LARP1: variants seen among roughly 807,000 people sequenced by gnomAD.
LARP1 encodes the protein La ribonucleoprotein 1, translational regulator.
A neutral mutation model predicts 122.7 loss-of-function variants in LARP1; 36 were observed. That is an observed-to-expected ratio of 0.29 (90% CI 0.22 to 0.39). The LOEUF is 0.39. Ranked by LOEUF, LARP1 falls within the 10% of genes least tolerant of loss-of-function variation. The pLI is 1.00. For missense variants in LARP1, 1,040 were observed against 1,403.6 expected (o/e 0.74, Z 4.14); for synonymous variants, 539 against 528.7 (o/e 1.02, Z -0.27).
intron 1 of LARP1, among the ~76,000 whole-genome samples, chr5:154,758,922 T>A (rs1754226810): frequency 6.6e-6 from 1 of 152,218 alleles, no homozygotes; most frequent in Non-Finnish European, 1.5e-5. Flanking sequence ...GGATTTGCAT[T>A]TTGGTTTTTT....
chr5:154,758,458 CTA>C lies in LARP1; in HGVS notation c.436+2266_436+2267del, dbSNP rs1347095004. Among the ~76,000 whole-genome samples the C allele has an allele frequency of 2.0e-5, 3 of 152,314 alleles. No individual in the cohort carries two copies. The East Asian group carries it at 5.8e-4, about 29-fold the overall frequency. On this transcript the variant is annotated intron_variant, in intron 1 of 18. Transcript: ENST00000518297. ...CAAGTTAATCCAGTAGCTTCTCTCT[CTA>C]AGCCTGTTGTTAGGGTTTGTGTGCA...
At chr5:154,701,939 G>T (rs533313448) in intron 1 of LARP1, among the ~76,000 whole-genome samples, 90 of 152,174 alleles carry the variant, frequency 5.9e-4, no homozygotes, top group African/African-American at 2.1e-3. Context: ...TCTTTTATCT[G>T]TAGTAGCTGA....
At chr5:154,777,281 C>T (rs1400446243) in intron 1 of LARP1, among the ~76,000 whole-genome samples, 1 of 151,412 alleles carries the variant, frequency 6.6e-6, no homozygotes, top group African/African-American at 2.4e-5. Context: ...GAGGTTGAGG[C>T]GGGTAGATCG....
chr5:154,800,057 G>T lies in LARP1; in HGVS notation c.1716+15G>T, dbSNP rs1215513836. 6.2e-7 allele frequency: 1 copy of T among 1,611,438 alleles called. No individual in the cohort carries two copies. Among genetic ancestry groups the T allele is most frequent in the Non-Finnish European group, 8.5e-7 (1 of 1,179,040 alleles). On this transcript the variant is annotated intron_variant, in intron 10 of 18. Transcript: ENST00000518297. ...CACGGCCCAAGGTGGGTGAGGCCTT[G>T]TCCCTTGCCTTGGTTCTAGCACTCT... is the stretch of plus-strand genomic sequence containing the variant.
At chr5:154,684,468 C>A (rs918364) in intron 1 of LARP1, among the ~76,000 whole-genome samples, 1 of 152,088 alleles carries the variant, frequency 6.6e-6, no homozygotes, top group East Asian at 1.9e-4. Flanking sequence ...GATTCTGATT[C>A]AGTAGGGCTG....
intron 1 of LARP1, among the ~76,000 whole-genome samples, chr5:154,748,090 T>G (rs1753299705): frequency 6.6e-6 from 1 of 152,184 alleles, no homozygotes; most frequent in South Asian, 2.1e-4. Flanking sequence ...CCTCAAGGGA[T>G]TCTCCTTCCT....
intron 1 of LARP1, among the ~76,000 whole-genome samples, chr5:154,784,172 G>A (rs1258576033): frequency 1.3e-5 from 2 of 152,196 alleles, no homozygotes; most frequent in African/African-American, 4.8e-5. Context: ...GTGTGAAGTC[G>A]CTATTCATTA....
At chr5:154,743,201 TC>T (rs1752999588) in intron 1 of LARP1, among the ~76,000 whole-genome samples, 2 of 152,112 alleles carry the variant, frequency 1.3e-5, no homozygotes, top group Admixed American at 1.3e-4. Context: ...AGCAAAAAAA[TC>T]CGCTATCCAC....
chr5:154,693,176 T>TCA (rs549269624), intron 1 of LARP1, among the ~76,000 whole-genome samples: 6 of 151,588 alleles, frequency 4.0e-5, no homozygotes, highest in Non-Finnish European at 8.8e-5. Flanking sequence ...CTCACTCTGT[T>TCA]GCCCAGGCTG....
At chr5:154,756,312 T>C (rs1053658731) in intron 1 of LARP1, 119 bp downstream of exon 1, 2 of 948,220 alleles carry the variant, frequency 2.1e-6, no homozygotes, top group South Asian at 2.8e-5. Flanking sequence ...CTCGGGACTT[T>C]TTAAAATTGC....
At position 154,755,886 on chromosome 5, in the gene LARP1, C is replaced by T. The variant is rs926851359; in HGVS notation, c.129C>T (p.Asp43=). The change falls in exon 1 of 19, where the codon GAC becomes GAT. Residue 43 remains aspartate, a synonymous_variant. Coordinates refer to ENST00000518297, the MANE Select transcript of LARP1 (RefSeq NM_033551.3). ...PEGKGEPGPN[D]VRGGEPDGSA... ...GCAAGGGCGAGCCCGGGCCAAACGA[C>T]GTCCGCGGGGGGGAGCCGGACGGCA... 6 of 1,012,904 alleles carry T rather than the reference C, an allele frequency of 5.9e-6. No individual in the cohort carries two copies. The highest frequency in any genetic ancestry group is 1.1e-4 in the East Asian group (1 of 9,150). 62.7% of individuals were successfully genotyped at this position (1,012,904 alleles called of 1,614,324 possible).
upstream of LARP1, among the ~76,000 whole-genome samples, chr5:154,755,237 C>T (rs1273343846): frequency 1.2e-5 from 1 of 85,958 alleles, no homozygotes; most frequent in Non-Finnish European, 2.3e-5. Flanking sequence ...CCTGCCCGCC[C>T]GTCGCCCAGG....
At chr5:154,695,983 A>G (rs1296811966) in intron 1 of LARP1, among the ~76,000 whole-genome samples, 1 of 152,166 alleles carries the variant, frequency 6.6e-6, no homozygotes, top group Non-Finnish European at 1.5e-5. Flanking sequence ...ATGACAGATT[A>G]TGGGCTCCTG....
chr5:154,783,846 G>A (rs1273727930), intron 1 of LARP1, among the ~76,000 whole-genome samples: 2 of 152,184 alleles, frequency 1.3e-5, no homozygotes, highest in Non-Finnish European at 2.9e-5. Flanking sequence ...AATCTCAGTG[G>A]TTGAGATCTG....
Position 154,803,158 on chromosome 5 carries a change from T to C in LARP1, c.2110-132T>C. 8.3e-7 allele frequency: 1 copy of C among 1,202,660 alleles called. No homozygotes were observed. The highest frequency in any genetic ancestry group is 1.9e-5 in the Admixed American group (1 of 53,186). The allele number at this position is 1,202,660 out of a possible 1,614,324, so 74.5% of individuals were successfully genotyped here. A position where few individuals can be genotyped will look rare whatever the true frequency, so the allele number is the denominator to read the frequency against. ...AATGGTGACTGGGCAGCTGAGAGCC[T>C]GGGGACCAGAATTCCACGTATGTCG... is the stretch of plus-strand genomic sequence containing the variant. On this transcript the variant is annotated intron_variant, in intron 11 of 18. Coordinates refer to ENST00000518297, the MANE Select transcript of LARP1 (RefSeq NM_033551.3). This position sits in a 1 kb window ranked among gnomAD's most constrained non-coding sequence, Gnocchi z 4.4.
At chr5:154,742,281 G>T (rs747433161) in intron 1 of LARP1, among the ~76,000 whole-genome samples, 1 of 152,200 alleles carries the variant, frequency 6.6e-6, no homozygotes, top group Non-Finnish European at 1.5e-5. Context: ...CAAAAAAGTG[G>T]CTGGGCATGG....
chr5:154,691,112 A>AC (rs1293309524), intron 1 of LARP1, among the ~76,000 whole-genome samples: 1 of 150,948 alleles, frequency 6.6e-6, no homozygotes, highest in Non-Finnish European at 1.5e-5. Context: ...AGAAAAAAAA[A>AC]TTAGCCGGGC....
At chr5:154,739,069 G>A (rs546429849) in intron 1 of LARP1, among the ~76,000 whole-genome samples, 1 of 152,288 alleles carries the variant, frequency 6.6e-6, no homozygotes, top group East Asian at 1.9e-4. Context: ...AGGCTGGAGT[G>A]CAGTGGTGCA....
At chr5:154,702,888 G>C (rs1184292583) in intron 1 of LARP1, among the ~76,000 whole-genome samples, 1 of 151,832 alleles carries the variant, frequency 6.6e-6, no homozygotes. Flanking sequence ...GGGAGGCCGA[G>C]GTGGGCGGAT....
Sources: allele counts gnomAD v4.1 joint callset (sites outside exome capture counted in the v4.1 genomes callset), GRCh38; gene constraint gnomAD v4.1.1; non-coding constraint Gnocchi (gnomAD v3.1); transcripts MANE v1.5; gene names NCBI Gene and HGNC (gene_info 2026-07-23, HGNC 2026-07-21).